Variants in F2R observed in about 807,000 individuals in gnomAD.
The protein encoded by F2R is proteinase-activated receptor 1.
A neutral mutation model predicts 18.3 loss-of-function variants in F2R; 12 were observed. That is an observed-to-expected ratio of 0.66 (90% CI 0.42 to 1.06). The LOEUF is 1.06. Ranked by LOEUF, F2R falls within the 50% of genes least tolerant of loss-of-function variation. F2R has a pLI of 0.00. For missense variants in F2R, 438 were observed against 530.8 expected (o/e 0.83, Z 1.72); for synonymous variants, 210 against 219.9 (o/e 0.95, Z 0.40).
intron 1 of F2R, among the ~76,000 whole-genome samples, chr5:76,727,554 C>T (rs972045541): frequency 1.3e-5 from 2 of 152,150 alleles, no homozygotes; most frequent in African/African-American, 2.4e-5. Context: ...TCTGGAGACC[C>T]TCTCCCAACT....
chr5:76,721,986 A>G (rs1240318870), intron 1 of F2R, among the ~76,000 whole-genome samples: 1 of 152,232 alleles, frequency 6.6e-6, no homozygotes, highest in Non-Finnish European at 1.5e-5. Flanking sequence ...AGCTACATGA[A>G]TATTCCTATG....
chr5:76,733,079 T>C lies in F2R; in HGVS notation c.854T>C (p.Ile285Thr), dbSNP rs1487290000. The change falls in exon 2 of 2, where the codon ATT (isoleucine) becomes ACT (threonine). Residue 285 changes from isoleucine (I) to threonine (T), a missense_variant. Physicochemically the swap from Ile to Thr is moderately conservative, Grantham distance 89 (BLOSUM62 -1). Coordinates refer to ENST00000319211, the MANE Select transcript of F2R (RefSeq NM_001992.5). ...SAVFFFVPLI[I>T]STVCYVSIIR... ...GTCTTCTTTTTTGTGCCGCTGATCA[T>C]TTCCACGGTCTGTTATGTGTCTATC... 2 of 1,614,182 alleles carry C rather than the reference T, an allele frequency of 1.2e-6. No individual in the cohort carries two copies. The highest frequency in any genetic ancestry group is 2.7e-5 in the African/African-American group (2 of 75,052).
At chr5:76,721,158 CA>C (rs1388614073) in intron 1 of F2R, among the ~76,000 whole-genome samples, 2 of 152,172 alleles carry the variant, frequency 1.3e-5, no homozygotes, top group African/African-American at 4.8e-5. Context: ...CGGATACTCA[CA>C]AAAACATCCT....
chr5:76,725,067 C>T (rs1224545678), intron 1 of F2R, among the ~76,000 whole-genome samples: 1 of 152,148 alleles, frequency 6.6e-6, no homozygotes, highest in East Asian at 1.9e-4. Context: ...GCTTTGTTAA[C>T]TCTGAAAAAG....
At position 76,733,503 on chromosome 5, in the gene F2R, G is replaced by T; in HGVS notation, c.1278G>T (p.Ter426TyrextTer8). 2 of 1,602,224 alleles carry T rather than the reference G, an allele frequency of 1.2e-6. No individual in the cohort carries two copies. The highest frequency in any genetic ancestry group is 1.7e-6 in the Non-Finnish European group (2 of 1,174,804). ...GCATATACAAAAAGCTGTTAACTTA[G>T]GAAAAGGGACTGCTGGGAGGTTAAA... ...NNSIYKKLLT* is the reference protein window; with the variant it reads ...NNSIYKKLLTY The change falls in exon 2 of 2, where the codon TAG becomes TAT. Residue 426 changes from the stop codon to tyrosine (Y), a stop_lost. Coordinates refer to ENST00000319211, the MANE Select transcript of F2R (RefSeq NM_001992.5).
intron 1 of F2R, among the ~76,000 whole-genome samples, chr5:76,724,330 C>T (rs1432227775): frequency 6.6e-6 from 1 of 152,188 alleles, no homozygotes. Context: ...CTCGGCTTCC[C>T]GAAGTGCTGG....
chr5:76,719,161 C>T (rs1351993199), intron 1 of F2R, among the ~76,000 whole-genome samples: 1 of 152,226 alleles, frequency 6.6e-6, no homozygotes, highest in Non-Finnish European at 1.5e-5. Context: ...GTACTGACTA[C>T]AGCTGACATC....
At chr5:76,720,273 TA>T (rs1008535887) in intron 1 of F2R, among the ~76,000 whole-genome samples, 42 of 151,542 alleles carry the variant, frequency 2.8e-4, no homozygotes, top group Middle Eastern at 3.4e-3. Context: ...CCATCTCTAT[TA>T]AAAAAAATAA....
In F2R at chr5:76,733,338, C is replaced by T. The variant is rs546202300; in HGVS notation, c.1113C>T (p.Tyr371=). Residue 371 remains tyrosine, a synonymous_variant, in exon 2 of 2, where the codon TAC becomes TAT. Transcript: ENST00000319211. ...SISCCIDPLI[Y]YYASSECQRY... ...GCTGCTGCATCGACCCCCTAATTTA[C>T]TATTACGCTTCCTCTGAGTGCCAGA... is the stretch of plus-strand genomic sequence containing the variant. 6.2e-7 allele frequency: 1 copy of T among 1,614,212 alleles called. No homozygotes were observed. The highest frequency in any genetic ancestry group is 1.7e-5 in the Admixed American group (1 of 60,026).
chr5:76,716,705 A>C (rs746782460), intron 1 of F2R: 5 of 721,346 alleles, frequency 6.9e-6, no homozygotes, highest in Non-Finnish European at 1.3e-5. Context: ...TGCACTTGTC[A>C]TTGTGTTTCT....
At position 76,732,622 on chromosome 5, in the gene F2R, G is replaced by T. The variant is rs374957006; in HGVS notation, c.397G>T (p.Val133Phe). The change falls in exon 2 of 2, where the codon GTC becomes TTC. Residue 133 changes from valine (V) to phenylalanine (F), a missense_variant. By Grantham distance (50) the Val-to-Phe change is conservative. Coordinates refer to ENST00000319211, the MANE Select transcript of F2R (RefSeq NM_001992.5). ...CGTTGTGTTCATCCTGAAAATGAAG[G>T]TCAAGAAGCCGGCGGTGGTGTACAT... ...AIVVFILKMK[V>F]KKPAVVYMLH... 8.1e-6 allele frequency: 13 copies of T among 1,614,174 alleles called. No individual in the cohort carries two copies. Among genetic ancestry groups the T allele is most frequent in the South Asian group, 1.1e-5 (1 of 91,074 alleles).
chr5:76,728,819 G>C (rs1748618961), intron 1 of F2R, among the ~76,000 whole-genome samples: 1 of 151,196 alleles, frequency 6.6e-6, no homozygotes, highest in African/African-American at 2.4e-5. Flanking sequence ...GCCTCCCGAG[G>C]AGCTGGGATT....
intron 1 of F2R, among the ~76,000 whole-genome samples, chr5:76,729,400 A>G (rs1748629504): frequency 6.6e-6 from 1 of 152,114 alleles, no homozygotes; most frequent in African/African-American, 2.4e-5. Flanking sequence ...TATATTTTGG[A>G]TATTAACCCT....
At chr5:76,720,517 A>T (rs1194312193) in intron 1 of F2R, among the ~76,000 whole-genome samples, 2 of 152,102 alleles carry the variant, frequency 1.3e-5, no homozygotes, top group African/African-American at 4.8e-5. Flanking sequence ...ATTGAGGTAG[A>T]ATTCACATAA....
At chr5:76,726,939 C>T (rs1297659191) in intron 1 of F2R, among the ~76,000 whole-genome samples, 1 of 152,176 alleles carries the variant, frequency 6.6e-6, no homozygotes, top group Non-Finnish European at 1.5e-5. Flanking sequence ...AAGGTGAACA[C>T]AGAGTAAGTT....
In F2R at chr5:76,733,642, G is replaced by T. The variant is rs763954114; in HGVS notation, c.*139G>T. On this transcript the variant is annotated 3_prime_UTR_variant, in exon 2 of 2. Transcript: ENST00000319211. ...CGACTTGCATACCTGCTTTTTATGG[G>T]AGCTGTCAAGCATGTATTTTTGTCA... is the stretch of plus-strand genomic sequence containing the variant. 1.5e-6 allele frequency: 1 copy of T among 655,726 alleles called. No homozygotes were observed. The highest frequency in any genetic ancestry group is 2.5e-6 in the Non-Finnish European group (1 of 393,084). The allele number at this position is 655,726 out of a possible 1,614,324, so 40.6% of individuals were successfully genotyped here. A position where few individuals can be genotyped will look rare whatever the true frequency, so the allele number is the denominator to read the frequency against.
At chr5:76,731,495 G>A (rs1051738305) in intron 1 of F2R, among the ~76,000 whole-genome samples, 1 of 149,044 alleles carries the variant, frequency 6.7e-6, no homozygotes, top group African/African-American at 2.5e-5. Context: ...GAAAGAAAAA[G>A]AAATCCCCTC....
Position 76,716,302 on chromosome 5 carries a change from G to C in F2R, c.-6G>C. The stretch of plus-strand genomic sequence containing the variant: ...CCCGGAGCAGCGCCGCGCAGAGCCC[G>C]GGACAATGGGGCCGCGGCGGCTGCT... On this transcript the variant is annotated 5_prime_UTR_variant, in exon 1 of 2. Coordinates refer to ENST00000319211, the MANE Select transcript of F2R (RefSeq NM_001992.5). The C allele has an allele frequency of 7.2e-7, 1 of 1,392,238 alleles. No individual in the cohort carries two copies. The highest frequency in any genetic ancestry group is 3.0e-5 in the East Asian group (1 of 33,310). The allele number at this position is 1,392,238 out of a possible 1,614,324, so 86.2% of individuals were successfully genotyped here. A position where few individuals can be genotyped will look rare whatever the true frequency, so the allele number is the denominator to read the frequency against.
chr5:76,729,350 G>T (rs889757017), intron 1 of F2R, among the ~76,000 whole-genome samples: 2 of 152,108 alleles, frequency 1.3e-5, no homozygotes, highest in African/African-American at 2.4e-5. Flanking sequence ...TTTAAATCAG[G>T]TGATTTGTTA....
Sources: allele counts gnomAD v4.1 joint callset (sites outside exome capture counted in the v4.1 genomes callset), GRCh38; gene constraint gnomAD v4.1.1; transcripts MANE v1.5; gene names NCBI Gene and HGNC (gene_info 2026-07-23, HGNC 2026-07-21).